The following SORL1 variants were observed in gnomAD, a reference collection of about 807,000 sequenced individuals.
SORL1 encodes sortilin related receptor 1, also known as sortilin-related receptor.
Under a neutral mutation model 273.7 loss-of-function variants are expected in SORL1, and 127 were observed. The observed-to-expected ratio is 0.46, with a 90% CI of 0.40 to 0.54. The LOEUF (loss-of-function observed/expected upper bound fraction) is 0.54. Ranked by LOEUF, SORL1 falls within the 20% of genes least tolerant of loss-of-function variation. The probability of loss-of-function intolerance (pLI) is 0.00; values close to 1 mark genes in which losing one functional copy is unlikely to be tolerated. For missense variants in SORL1, 2,494 were observed against 2,846.1 expected, an observed-to-expected ratio of 0.88 and a Z score of 2.81; for synonymous variants, 1,031 against 1,067.4, an observed-to-expected ratio of 0.97 and a Z score of 0.66.
At chr11:121,628,151 C>G (rs907390348) in intron 47 of SORL1, among the ~76,000 whole-genome samples, 1 of 152,200 alleles carries the variant, frequency 6.6e-6, no homozygotes, top group Non-Finnish European at 1.5e-5. Flanking sequence ...CAATCAGCTT[C>G]TATCAAAGGA....
chr11:121,625,195 G>T lies in SORL1; in HGVS notation c.6282G>T (p.Thr2094=). Residue 2094 remains threonine, a synonymous_variant, in exon 46 of 48, where the codon ACG becomes ACT. Coordinates refer to ENST00000260197, the MANE Select transcript of SORL1 (RefSeq NM_003105.6). ...ISNLKMGHNY[T]FTVQARCLFG... Reference sequence around the variant, plus strand: ...ACCTGAAGATGGGTCATAATTACACGTTCACCGTCCAAGCAAGATGCCTTT... The same window carrying T: ...ACCTGAAGATGGGTCATAATTACACTTTCACCGTCCAAGCAAGATGCCTTT... 1 of 1,613,984 alleles carries T rather than the reference G, an allele frequency of 6.2e-7. No homozygotes were observed. The highest frequency in any genetic ancestry group is 8.5e-7 in the Non-Finnish European group (1 of 1,179,942).
At chr11:121,576,120 T>C (rs1862927074) in intron 24 of SORL1, among the ~76,000 whole-genome samples, 1 of 152,260 alleles carries the variant, frequency 6.6e-6, no homozygotes, top group African/African-American at 2.4e-5. Flanking sequence ...GTAAACTCCA[T>C]GTGAAAGTTC....
intron 11 of SORL1, among the ~76,000 whole-genome samples, chr11:121,527,510 A>G (rs1254401992): frequency 6.6e-6 from 1 of 152,106 alleles, no homozygotes; most frequent in Admixed American, 6.5e-5. Flanking sequence ...CTAGTATCAT[A>G]AAACAAGCAG....
At chr11:121,492,664 T>C (rs17125391) in intron 5 of SORL1, among the ~76,000 whole-genome samples, 1,962 of 152,272 alleles carry the variant, frequency 0.013, 44 homozygotes, top group African/African-American at 0.044. Context: ...ATATAGAAAG[T>C]GTCAAGTTTG....
At chr11:121,478,820 G>T (rs575435881) in intron 3 of SORL1, among the ~76,000 whole-genome samples, 2 of 151,702 alleles carry the variant, frequency 1.3e-5, no homozygotes, top group Admixed American at 1.3e-4. Flanking sequence ...GCTTGTGTGC[G>T]TGTAGTTACT....
intron 23 of SORL1, among the ~76,000 whole-genome samples, chr11:121,573,761 A>T (rs1314139038): frequency 6.6e-6 from 1 of 152,242 alleles, no homozygotes; most frequent in Non-Finnish European, 1.5e-5. Flanking sequence ...TTTGGTACCC[A>T]GTCTTGACTG....
intron 24 of SORL1, among the ~76,000 whole-genome samples, chr11:121,575,955 C>T (rs1306045967): frequency 6.6e-6 from 1 of 152,188 alleles, no homozygotes; most frequent in Non-Finnish European, 1.5e-5. Flanking sequence ...CCCGGTTAGC[C>T]CCTTCCTCTG....
At chr11:121,607,094 C>G (rs780271146) in intron 36 of SORL1, 92 bp from the exon 37 acceptor site, 5 of 1,024,286 alleles carry the variant, frequency 4.9e-6, no homozygotes, top group Non-Finnish European at 6.1e-6. Context: ...TGCTCCTCAC[C>G]ATCTTTTCTC....
chr11:121,525,806 C>T (rs1429094417), intron 11 of SORL1, among the ~76,000 whole-genome samples: 3 of 152,136 alleles, frequency 2.0e-5, no homozygotes, highest in East Asian at 1.9e-4. Context: ...CCCAGCACTT[C>T]GGACGGCTGA....
intron 31 of SORL1, among the ~76,000 whole-genome samples, chr11:121,593,898 A>G (rs1433670666): frequency 1.3e-5 from 2 of 152,122 alleles, no homozygotes; most frequent in African/African-American, 2.4e-5. Context: ...GTTTCAGTAG[A>G]GCACGTTTTC....
chr11:121,550,213 G>A lies in SORL1; in HGVS notation c.2180+125G>A. On this transcript the variant is annotated intron_variant, in intron 15 of 47. Coordinates refer to ENST00000260197, the MANE Select transcript of SORL1 (RefSeq NM_003105.6). The surrounding 1 kb of genome is among the most constrained non-coding windows in gnomAD (Gnocchi z 5.3). ...AGAATTCCAAGTTAACAGCCTGCAA[G>A]TAGTTTGGGCAACATTATAAATTAT... is the stretch of plus-strand genomic sequence containing the variant. 1 of 980,400 alleles carries A rather than the reference G, an allele frequency of 1.0e-6. No individual in the cohort carries two copies. Among genetic ancestry groups the A allele is most frequent in the Non-Finnish European group, 1.5e-6 (1 of 681,388 alleles). The allele number at this position is 980,400 out of a possible 1,614,324, so 60.7% of individuals were successfully genotyped here. A position where few individuals can be genotyped will look rare whatever the true frequency, so the allele number is the denominator to read the frequency against.
At chr11:121,476,787 C>T (rs913529916) in intron 2 of SORL1, among the ~76,000 whole-genome samples, 44 of 129,580 alleles carry the variant, frequency 3.4e-4, no homozygotes, top group Non-Finnish European at 6.4e-4. Context: ...TCCCTCCCTT[C>T]CTTCCTCCCT....
Position 121,590,151 on chromosome 11 carries a change from G to T in SORL1, c.4190G>T (p.Trp1397Leu). The T allele has an allele frequency of 3.1e-6, 5 of 1,614,212 alleles. No homozygotes were observed. The highest frequency in any genetic ancestry group is 4.2e-6 in the Non-Finnish European group (5 of 1,180,032). Reference sequence around the variant, plus strand: ...GACAGGGAGAACGACTGTGGGGACTGGTCTGATGAGAAGGATTGTGGAGGT... The same window carrying T: ...GACAGGGAGAACGACTGTGGGGACTTGTCTGATGAGAAGGATTGTGGAGGT... ...KCDRENDCGD[W>L]SDEKDCGDSH... Residue 1397 changes from tryptophan to leucine, a missense_variant, in exon 30 of 48, where the codon TGG (tryptophan) becomes TTG (leucine). Trp to Leu is a moderately conservative substitution (Grantham distance 61). Coordinates refer to ENST00000260197, the MANE Select transcript of SORL1 (RefSeq NM_003105.6).
intron 32 of SORL1, among the ~76,000 whole-genome samples, chr11:121,598,899 G>C (rs979383627): frequency 2.0e-5 from 3 of 152,282 alleles, no homozygotes; most frequent in Non-Finnish European, 4.4e-5. Flanking sequence ...GCTGCCTGAA[G>C]GGTCTTTTCT....
chr11:121,601,071 A>G (rs1383927359), intron 32 of SORL1, among the ~76,000 whole-genome samples: 1 of 112,276 alleles, frequency 8.9e-6, no homozygotes, highest in African/African-American at 3.6e-5. Flanking sequence ...AACAGTCCCC[A>G]GAGTGTGATA....
At chr11:121,535,827 CA>C (rs1161722711) in intron 12 of SORL1, among the ~76,000 whole-genome samples, 2 of 152,126 alleles carry the variant, frequency 1.3e-5, no homozygotes, top group Non-Finnish European at 1.5e-5. Flanking sequence ...AAATTGAGAG[CA>C]AGAAGTGGAA....
chr11:121,612,770 T>C lies in SORL1; in HGVS notation c.5357T>C (p.Phe1786Ser), dbSNP rs1393420765. The change falls in exon 40 of 48, where the codon TTT (phenylalanine) becomes TCT (serine). Residue 1786 changes from phenylalanine (F) to serine (S), a missense_variant. Transcript: ENST00000260197. ...NGYVVNLFWA[F>S]DTHKQERRTL... ...TATGTGGTGAACCTTTTCTGGGCAT[T>C]TGACACCCACAAGCAAGAGAGGAGA... is the stretch of plus-strand genomic sequence containing the variant. The C allele has an allele frequency of 6.2e-7, 1 of 1,614,138 alleles. No homozygotes were observed. The highest frequency in any genetic ancestry group is 1.7e-5 in the Admixed American group (1 of 60,024).
chr11:121,522,489 G>C, intron 9 of SORL1, 97 bp from the exon 10 acceptor site: 2 of 889,684 alleles, frequency 2.2e-6, no homozygotes, highest in South Asian at 2.8e-5. Context: ...TCCTTGCCCC[G>C]TGTCAGCTGC....
At chr11:121,489,152 G>T (rs1401729858) in intron 4 of SORL1, among the ~76,000 whole-genome samples, 2 of 152,152 alleles carry the variant, frequency 1.3e-5, no homozygotes, top group Non-Finnish European at 2.9e-5. Flanking sequence ...TCTGTACTTA[G>T]CTGGTGTCCT....
Sources: gnomAD v4.1 joint callset for allele counts (sites outside exome capture counted in the v4.1 genomes callset) on GRCh38, gnomAD v4.1.1 for gene constraint, Gnocchi (gnomAD v3.1) non-coding constraint, MANE v1.5 for transcripts, NCBI Gene and HGNC (gene_info 2026-07-23, HGNC 2026-07-21) for gene names.